Variants in FERMT2 observed in about 807,000 individuals in gnomAD.
FERMT2 encodes the protein fermitin family homolog 2.
In FERMT2, 15 loss-of-function variants were observed where a neutral mutation model predicts 82.7. That is an observed-to-expected ratio of 0.18 (90% CI 0.12 to 0.28). The LOEUF (loss-of-function observed/expected upper bound fraction) is 0.28. FERMT2 is among the 10% of genes least tolerant of loss of function. The pLI is 1.00. For synonymous variants in FERMT2, 274 were observed against 271.5 expected (o/e 1.01, Z -0.09); for missense variants, 645 against 809.4 (o/e 0.80, Z 2.46).
At chr14:52,899,468 G>A (rs559034086) in intron 3 of FERMT2, among the ~76,000 whole-genome samples, 5 of 152,206 alleles carry the variant, frequency 3.3e-5, no homozygotes, top group African/African-American at 4.8e-5. Flanking sequence ...ATTTTTAGTA[G>A]AGACAGGGTT....
intron 2 of FERMT2, among the ~76,000 whole-genome samples, chr14:52,921,887 A>G (rs1888973427): frequency 6.6e-6 from 1 of 152,196 alleles, no homozygotes; most frequent in South Asian, 2.1e-4. Flanking sequence ...GATAAGGAAT[A>G]TTCAACCTGT....
intron 4 of FERMT2, chr14:52,881,840 G>C (rs1445121285): frequency 1.6e-6 from 2 of 1,253,634 alleles, no homozygotes. Flanking sequence ...TATAGGAAAG[G>C]AAAGAAAGGA....
At chr14:52,870,495 G>A (rs1175542434) in intron 10 of FERMT2, among the ~76,000 whole-genome samples, 7 of 152,060 alleles carry the variant, frequency 4.6e-5, no homozygotes, top group Non-Finnish European at 8.8e-5. Flanking sequence ...ATGATCCGCC[G>A]CCTCAGCCTC....
intron 10 of FERMT2, among the ~76,000 whole-genome samples, chr14:52,870,554 T>C (rs141347433): frequency 1.3e-5 from 2 of 152,314 alleles, no homozygotes; most frequent in East Asian, 1.9e-4. Context: ...AGCCAAGTTG[T>C]ACCTTTTCTA....
intron 2 of FERMT2, among the ~76,000 whole-genome samples, chr14:52,927,592 TAAAAAAAAAAAAAAA>T (rs71125150): frequency 2.4e-4 from 8 of 33,724 alleles, no homozygotes; most frequent in South Asian, 2.6e-3. Flanking sequence ...CTCATCCCTA[TAAAAAAAAAAAAAAA>T]AAAAAAAAAA....
chr14:52,906,428 G>A (rs985716004), intron 3 of FERMT2, among the ~76,000 whole-genome samples: 2 of 149,830 alleles, frequency 1.3e-5, no homozygotes, highest in African/African-American at 4.9e-5. Context: ...AAGCTTCAAA[G>A]CAAAAGAATC....
chr14:52,862,982 G>C (rs1246893017), intron 12 of FERMT2: 2 of 152,112 alleles, frequency 1.3e-5, no homozygotes, highest in Non-Finnish European at 1.5e-5. Context: ...AAATTGGTCA[G>C]GTTTGAAATT....
chr14:52,936,245 A>G, intron 2 of FERMT2, among the ~76,000 whole-genome samples: 1 of 152,244 alleles, frequency 6.6e-6, no homozygotes, highest in Non-Finnish European at 1.5e-5. Flanking sequence ...TAGTAAGAAT[A>G]TTTAATTGGC....
At chr14:52,922,170 G>T (rs574514932) in intron 2 of FERMT2, among the ~76,000 whole-genome samples, 1 of 152,334 alleles carries the variant, frequency 6.6e-6, no homozygotes, top group South Asian at 2.1e-4. Context: ...ACTGCTGTGA[G>T]CACCTGCAGT....
At chr14:52,872,764 C>T (rs199987042) in intron 10 of FERMT2, 35 bp downstream of exon 10, 2 of 1,609,190 alleles carry the variant, frequency 1.2e-6, no homozygotes, top group African/African-American at 2.7e-5. Flanking sequence ...ATGGGGATGC[C>T]ACCATCAACA....
chr14:52,947,973 TAAG>T lies in FERMT2; in HGVS notation c.157+2436_157+2438del, dbSNP rs568372414. Among the ~76,000 whole-genome samples, 43 of 152,340 alleles carry T rather than the reference TAAG, an allele frequency of 2.8e-4. 1 individual carries two copies. In the South Asian group the frequency reaches 8.3e-3, roughly 29 times the overall value. ...GGTATTCATATACCGTCCAACAGAT[TAAG>T]AAGGATATCAGACAGTCTGGAGTTT... On this transcript the variant is annotated intron_variant, in intron 2 of 14. Transcript: ENST00000341590.
intron 8 of FERMT2, 54 bp from the exon 9 acceptor site, chr14:52,874,280 A>G: frequency 8.8e-7 from 1 of 1,136,494 alleles, no homozygotes; most frequent in Non-Finnish European, 1.2e-6. Flanking sequence ...AATTCTTTCT[A>G]ATGTTTGGTA....
intron 3 of FERMT2, among the ~76,000 whole-genome samples, chr14:52,905,244 T>C (rs1223668931): frequency 1.3e-5 from 2 of 150,698 alleles, no homozygotes; most frequent in Admixed American, 1.3e-4. Context: ...TACCTAAAAT[T>C]GATAAATCAA....
chr14:52,925,789 C>A (rs1889232841), intron 2 of FERMT2, among the ~76,000 whole-genome samples: 1 of 151,998 alleles, frequency 6.6e-6, no homozygotes, highest in Non-Finnish European at 1.5e-5. Flanking sequence ...CAGACAGGCA[C>A]CACCACACCC....
intron 2 of FERMT2, 37 bp downstream of exon 2, chr14:52,950,375 G>A (rs1890571993): frequency 6.3e-7 from 1 of 1,598,940 alleles, no homozygotes; most frequent in South Asian, 1.1e-5. Context: ...CCAATTCTGG[G>A]AAGTCATTAG....
chr14:52,879,250 C>G lies in FERMT2; in HGVS notation c.856-561G>C, dbSNP rs139946178. 3.1e-3 allele frequency among the ~76,000 whole-genome samples: 473 copies of G among 152,254 alleles called. 4 individuals carry two copies. The highest frequency in any genetic ancestry group is 0.011 in the African/African-American group (453 of 41,554). On this transcript the variant is annotated intron_variant, in intron 6 of 14. Coordinates refer to ENST00000341590, the MANE Select transcript of FERMT2 (RefSeq NM_006832.3). ...GGAAAATGTTTACTTATATGTTATT[C>G]AATTATCCATTTAATTATATAAATA...
chr14:52,913,714 A>AGTAGTAGT (rs1566746975), intron 3 of FERMT2, among the ~76,000 whole-genome samples: 1 of 152,032 alleles, frequency 6.6e-6, no homozygotes, highest in African/African-American at 2.4e-5. Context: ...TAGTAGTAGT[A>AGTAGTAGT]ATGAAAGACC....
chr14:52,861,215 T>C, intron 12 of FERMT2: 2 of 563,520 alleles, frequency 3.5e-6, no homozygotes, highest in Non-Finnish European at 6.3e-6. Context: ...GAATGAAAAA[T>C]GAAAATGAGG....
intron 3 of FERMT2, among the ~76,000 whole-genome samples, chr14:52,910,336 A>G (rs1888246845): frequency 6.6e-6 from 1 of 152,208 alleles, no homozygotes; most frequent in Non-Finnish European, 1.5e-5. Context: ...AAAGACCCAA[A>G]TGACATGTCC....
Sources: allele counts gnomAD v4.1 joint callset (sites outside exome capture counted in the v4.1 genomes callset), GRCh38; gene constraint gnomAD v4.1.1; transcripts MANE v1.5; gene names NCBI Gene and HGNC (gene_info 2026-07-23, HGNC 2026-07-21).